Variants in ALMS1 observed in about 807,000 individuals in gnomAD.
The protein encoded by ALMS1 is centrosome-associated protein ALMS1.
A neutral mutation model predicts 352.2 loss-of-function variants in ALMS1; 271 were observed. The observed-to-expected ratio is 0.77, with a 90% confidence interval of 0.70 to 0.85. The LOEUF is 0.85. Ranked by LOEUF, ALMS1 falls within the 40% of genes least tolerant of loss-of-function variation. The pLI is 0.00. For missense variants in ALMS1, 5,445 were observed against 4,870.7 expected, an observed-to-expected ratio of 1.12 and a Z score of -3.51; for synonymous variants, 1,865 against 1,761.2, an observed-to-expected ratio of 1.06 and a Z score of -1.48.
chr2:73,432,290 A>C lies in ALMS1; in HGVS notation c.1431A>C (p.Ala477=). 6.2e-7 allele frequency: 1 copy of C among 1,605,252 alleles called. No homozygotes were observed. The highest frequency in any genetic ancestry group is 8.5e-7 in the Non-Finnish European group (1 of 1,172,160). The part of the protein sequence containing the change: ...TVPKAPKHLK[A]GDTSKGGIAK... ...CAAAGGCTCCTAAACATTTAAAAGC[A>C]GGTACGTAGAAAAAGGAGATAGTAA... Residue 477 remains alanine (A), a splice_region_variant and synonymous_variant, in exon 7 of 23, where the codon GCA becomes GCC. Transcript: ENST00000613296.
rs1553398858 is a variant in ALMS1 at position 73,408,766 on chromosome 2, G to A, written c.450+19G>A. 5.0e-6 allele frequency: 8 copies of A among 1,607,810 alleles called. No individual in the cohort carries two copies. Among genetic ancestry groups the A allele is most frequent in the Non-Finnish European group, 6.8e-6 (8 of 1,177,156 alleles). ...TGATCAGGTATGTCTTCTGTAACTG[G>A]CTAACTTTTTTTTTTTGATAAGCAG... is the stretch of plus-strand genomic sequence containing the variant. On this transcript the variant is annotated intron_variant, in intron 2 of 22. Coordinates refer to ENST00000613296, the MANE Select transcript of ALMS1 (RefSeq NM_001378454.1).
chr2:73,553,791 T>C (rs2104046370), intron 13 of ALMS1, among the ~76,000 whole-genome samples: 1 of 152,258 alleles, frequency 6.6e-6, no homozygotes, highest in South Asian at 2.1e-4. Context: ...AGGATATATA[T>C]GGGTAGGAGG....
intron 16 of ALMS1, among the ~76,000 whole-genome samples, chr2:73,576,454 G>GA (rs1469902505): frequency 2.0e-5 from 3 of 151,932 alleles, no homozygotes; most frequent in Non-Finnish European, 4.4e-5. Flanking sequence ...CAGCTTTGCT[G>GA]AATTTATTAA....
intron 9 of ALMS1, among the ~76,000 whole-genome samples, chr2:73,471,791 G>A (rs912297330): frequency 4.6e-5 from 7 of 151,960 alleles, no homozygotes; most frequent in Admixed American, 1.3e-4. Flanking sequence ...TGTAGCTGCT[G>A]TGGAAAATAG....
chr2:73,501,414 G>A (rs1192546303), intron 10 of ALMS1, among the ~76,000 whole-genome samples: 2 of 151,790 alleles, frequency 1.3e-5, no homozygotes, highest in Non-Finnish European at 2.9e-5. Context: ...GTTTTCTCCT[G>A]TATTTTCATG....
At chr2:73,434,904 C>A (rs1223573905) in intron 7 of ALMS1, among the ~76,000 whole-genome samples, 1 of 152,158 alleles carries the variant, frequency 6.6e-6, no homozygotes, top group African/African-American at 2.4e-5. Flanking sequence ...TCCAGCGACT[C>A]TCGTGCCTCA....
At chr2:73,549,170 C>T (rs1476411894) in intron 12 of ALMS1, among the ~76,000 whole-genome samples, 3 of 152,066 alleles carry the variant, frequency 2.0e-5, no homozygotes, top group Non-Finnish European at 4.4e-5. Context: ...CTTTATATGT[C>T]CAGAAATGTT....
chr2:73,451,614 G>A lies in ALMS1; in HGVS notation c.5087G>A (p.Gly1696Glu), dbSNP rs780915775. ...GCTCTGAAAGTTCCACCTGTTCCTG[G>A]ACCAGATGCCCAGAAGACTGAGACA... ...EEALKVPPVPGPDAQKTETPS... is the reference protein window; with the variant it reads ...EEALKVPPVPEPDAQKTETPS... Residue 1696 changes from glycine (G) to glutamate (E), a missense_variant, in exon 8 of 23, where the codon GGA becomes GAA. Physicochemically the swap from Gly to Glu is moderately conservative, Grantham distance 98 (BLOSUM62 -2). Transcript: ENST00000613296. 8.7e-5 allele frequency: 140 copies of A among 1,613,840 alleles called. No homozygotes were observed. The highest frequency in any genetic ancestry group is 1.1e-4 in the Non-Finnish European group (132 of 1,179,972).
At position 73,453,795 on chromosome 2, in the gene ALMS1, A is replaced by G. The variant is rs75145370; in HGVS notation, c.7268A>G (p.Asn2423Ser). Residue 2423 changes from asparagine (N) to serine (S), a missense_variant, in exon 8 of 23, where the codon AAT becomes AGT. Transcript: ENST00000613296. ...TCAAGTAGTGATGCCAGTGATGGAA[A>G]TGGTTCCTGCTCGTGGGACAGTAAT... is the stretch of plus-strand genomic sequence containing the variant. ...SDSSSDASDG[N>S]GSCSWDSNLP... The G allele has an allele frequency of 1.2e-3, 1,866 of 1,614,148 alleles. 18 individuals are homozygous for G. In the African/African-American group the frequency reaches 0.013, roughly 11 times the overall value.
At chr2:73,484,268 A>G (rs9711638) in intron 9 of ALMS1, among the ~76,000 whole-genome samples, 180 of 151,362 alleles carry the variant, frequency 1.2e-3, no homozygotes, top group African/African-American at 3.8e-3. Context: ...GGGCAGGCCT[A>G]GTGGTGACAA....
At chr2:73,475,725 C>G (rs1558660917) in intron 9 of ALMS1, among the ~76,000 whole-genome samples, 1 of 152,018 alleles carries the variant, frequency 6.6e-6, no homozygotes, top group Non-Finnish European at 1.5e-5. Context: ...CTGATGAACT[C>G]TAACTTATCA....
chr2:73,574,109 C>T (rs1052127389), intron 16 of ALMS1, among the ~76,000 whole-genome samples: 1 of 152,018 alleles, frequency 6.6e-6, no homozygotes, highest in Non-Finnish European at 1.5e-5. Flanking sequence ...AAAAAGAGAA[C>T]AAAATTTTTA....
Position 73,491,630 on chromosome 2 carries a change from A to T in ALMS1, c.9539+132A>T, listed in dbSNP as rs967897509. On this transcript the variant is annotated intron_variant, in intron 10 of 22. Coordinates refer to ENST00000613296, the MANE Select transcript of ALMS1 (RefSeq NM_001378454.1). ...GAGTGGAGGTTGTGTCTGGCTAATT[A>T]CTAGAAGTCTTTCAAGGAATAAATG... 6.8e-5 allele frequency: 64 copies of T among 946,578 alleles called. 1 individual carries two copies. In the East Asian group the frequency reaches 1.7e-3, roughly 25 times the overall value. The allele number at this position is 946,578 out of a possible 1,614,324, so 58.6% of individuals were successfully genotyped here. A position where few individuals can be genotyped will look rare whatever the true frequency, so the allele number is the denominator to read the frequency against.
At chr2:73,436,939 C>T (rs924723386) in intron 7 of ALMS1, among the ~76,000 whole-genome samples, 6 of 152,184 alleles carry the variant, frequency 3.9e-5, no homozygotes, top group Admixed American at 6.5e-5. Context: ...TTCTTTTGCA[C>T]ATCTTACTTT....
intron 1 of ALMS1, among the ~76,000 whole-genome samples, chr2:73,399,208 C>T (rs544700319): frequency 6.6e-6 from 1 of 152,270 alleles, no homozygotes; most frequent in East Asian, 1.9e-4. Context: ...TTATTTCCTC[C>T]TTCCCAGACT....
In ALMS1 at chr2:73,490,717, T is replaced by C. The variant is rs1398652795; in HGVS notation, c.8758T>C (p.Ser2920Pro). Residue 2920 changes from serine (S) to proline (P), a missense_variant, in exon 10 of 23, where the codon TCT (serine) becomes CCT (proline). Physicochemically the swap from Ser to Pro is moderately conservative, Grantham distance 74. Coordinates refer to ENST00000613296, the MANE Select transcript of ALMS1 (RefSeq NM_001378454.1). ...GGATTATGTAGCTCCAGACCTTCCTTCTTGCATTTTTCTTGAACAACGAGA... is the reference window on the plus strand; with the variant it reads ...GGATTATGTAGCTCCAGACCTTCCTCCTTGCATTTTTCTTGAACAACGAGA... ...HQDYVAPDLP[S>P]CIFLEQRELF... 5.0e-6 allele frequency: 8 copies of C among 1,614,034 alleles called. No homozygotes were observed. The highest frequency in any genetic ancestry group is 5.9e-6 in the Non-Finnish European group (7 of 1,180,028).
At chr2:73,507,795 T>TTCTTGTCTTC (rs1673362368) in intron 10 of ALMS1, among the ~76,000 whole-genome samples, 1 of 152,224 alleles carries the variant, frequency 6.6e-6, no homozygotes, top group East Asian at 1.9e-4. Flanking sequence ...GCTCTGATCT[T>TTCTTGTCTTC]AGCTATTTCT....
chr2:73,600,806 C>T lies in ALMS1; in HGVS notation c.11797C>T (p.Arg3933Cys), dbSNP rs1356118595. Residue 3933 changes from arginine to cysteine, a missense_variant, in exon 18 of 23, where the codon CGT becomes TGT. Physicochemically the swap from Arg to Cys is radical, Grantham distance 180. Coordinates refer to ENST00000613296, the MANE Select transcript of ALMS1 (RefSeq NM_001378454.1). ...TGTGACTTCTTGGTCAGAAGAAAAACGTGAAGAGAAAATGCTCTTTACCGG... is the reference window on the plus strand; with the variant it reads ...TGTGACTTCTTGGTCAGAAGAAAAATGTGAAGAGAAAATGCTCTTTACCGG... ...SDVTSWSEEK[R>C]EEKMLFTGYP... 14 of 1,614,000 alleles carry T rather than the reference C, an allele frequency of 8.7e-6. No homozygotes were observed. The highest frequency in any genetic ancestry group is 2.7e-5 in the African/African-American group (2 of 74,906).
Position 73,455,070 on chromosome 2 carries a change from A to C in ALMS1, c.7541-92A>C, listed in dbSNP as rs1375390301. 4 of 1,407,298 alleles carry C rather than the reference A, an allele frequency of 2.8e-6. No homozygotes were observed. In the African/African-American group the frequency reaches 5.7e-5, roughly 20 times the overall value. 87.2% of individuals were successfully genotyped at this position (1,407,298 alleles called of 1,614,324 possible). On this transcript the variant is annotated intron_variant, in intron 8 of 22. Coordinates refer to ENST00000613296, the MANE Select transcript of ALMS1 (RefSeq NM_001378454.1). ...CATACTAAGCATTGCAGTGGGTATT[A>C]AATTGCATATATTGATGATCTTCTG...
Sources: gnomAD v4.1 joint callset for allele counts (sites outside exome capture counted in the v4.1 genomes callset) on GRCh38, gnomAD v4.1.1 for gene constraint, MANE v1.5 for transcripts, NCBI Gene and HGNC (gene_info 2026-07-23, HGNC 2026-07-21) for gene names.